Variants in PRRC2B observed in about 807,000 individuals in gnomAD.
The protein encoded by PRRC2B is proline rich coiled-coil 2B, also known as protein PRRC2B.
In PRRC2B, 68 loss-of-function variants were observed where a neutral mutation model predicts 242.3. The ratio of observed to expected loss-of-function variants is 0.28; its 90% CI spans 0.23 to 0.34. The LOEUF (loss-of-function observed/expected upper bound fraction) is 0.34, where lower values mean the gene tolerates loss of function less well. PRRC2B is among the 10% of genes least tolerant of loss of function. The probability of loss-of-function intolerance (pLI) is 1.00; values close to 1 mark genes in which losing one functional copy is unlikely to be tolerated. For missense variants in PRRC2B, 2,835 were observed against 2,954.8 expected (o/e 0.96, Z 0.94); for synonymous variants, 1,228 against 1,173.6 (o/e 1.05, Z -0.95).
At position 131,394,261 on chromosome 9, in the gene PRRC2B, C is replaced by A; in HGVS notation, c.-54C>A. On this transcript the variant is annotated splice_region_variant and 5_prime_UTR_variant, in exon 1 of 32. Coordinates refer to ENST00000683519, the MANE Select transcript of PRRC2B (RefSeq NM_013318.4). ...CCCGGCCGCGCCCGCGGAACCAGAC[C>A]AGGTGGGTCGGGGCCGGGGCCGGGG... 1 of 147,550 alleles carries A rather than the reference C, an allele frequency of 6.8e-6. No homozygotes were observed. The highest frequency in any genetic ancestry group is 1.8e-4 in the South Asian group (1 of 5,584). 9.1% of individuals were successfully genotyped at this position (147,550 alleles called of 1,614,324 possible). A position where few individuals can be genotyped will look rare whatever the true frequency, so the allele number is the denominator to read the frequency against.
chr9:131,454,042 C>T (rs1943000641), intron 9 of PRRC2B, among the ~76,000 whole-genome samples: 1 of 152,222 alleles, frequency 6.6e-6, no homozygotes, highest in South Asian at 2.1e-4. Context: ...CTCCCACCTC[C>T]TAATCCTGTG....
At chr9:131,478,868 C>T (rs1943780573) in intron 18 of PRRC2B, among the ~76,000 whole-genome samples, 1 of 152,140 alleles carries the variant, frequency 6.6e-6, no homozygotes, top group African/African-American at 2.4e-5. Flanking sequence ...AGGGTGACTT[C>T]TCTAGGGTGA....
intron 1 of PRRC2B, among the ~76,000 whole-genome samples, chr9:131,413,009 C>A (rs1837544787): frequency 6.6e-6 from 1 of 152,088 alleles, no homozygotes; most frequent in Non-Finnish European, 1.5e-5. Context: ...ATAGTAACTT[C>A]TTTTAGAAGC....
At chr9:131,435,613 TAAAAAAAAAAAAAAAA>T (rs66831387) in intron 3 of PRRC2B, among the ~76,000 whole-genome samples, 21 of 146,954 alleles carry the variant, frequency 1.4e-4, no homozygotes, top group Admixed American at 2.0e-4. Flanking sequence ...AGACTCCATC[TAAAAAAAAAAAAAAAA>T]AAAAAAAAAG....
chr9:131,477,729 C>G lies in PRRC2B; in HGVS notation c.4407-15C>G, dbSNP rs1017645851. 3 of 1,551,108 alleles carry G rather than the reference C, an allele frequency of 1.9e-6. No homozygotes were observed. In the East Asian group the frequency reaches 6.8e-5, roughly 35 times the overall value. The stretch of plus-strand genomic sequence containing the variant: ...TTCCCCAGCTCTGGTTAACAAGATC[C>G]TCTTTCCCTTACAGATCCCCAGACG... On this transcript the variant is annotated splice_polypyrimidine_tract_variant and intron_variant, in intron 16 of 31. Coordinates refer to ENST00000683519, the MANE Select transcript of PRRC2B (RefSeq NM_013318.4).
chr9:131,432,703 T>A lies in PRRC2B; in HGVS notation c.202T>A (p.Ser68Thr), dbSNP rs765937763. 4 of 1,613,936 alleles carry A rather than the reference T, an allele frequency of 2.5e-6. No individual in the cohort carries two copies. The highest frequency in any genetic ancestry group is 1.6e-4 in the Middle Eastern group (1 of 6,062). The change falls in exon 3 of 32, where the codon TCT becomes ACT. Residue 68 changes from serine to threonine, a missense_variant. This residue lies in a region of PRRC2B where 626 missense variants were observed against 685.5 expected (regional missense o/e 0.91). Transcript: ENST00000683519. Reference protein sequence around the residue: ...PPPANLPSLKSENKGNDPNIV... With the variant: ...PPPANLPSLKTENKGNDPNIV... ...GCCTGCAAACCTGCCAAGCTTGAAG[T>A]CTGAAAACAAAGGAAACGACCCCAA...
chr9:131,478,649 G>GGGGGGGGGGCCCGGGGGC, intron 18 of PRRC2B, 30 bp downstream of exon 18: 2 of 504,552 alleles, frequency 4.0e-6, no homozygotes, highest in Non-Finnish European at 8.0e-6. Flanking sequence ...GGGGCATGGG[G>GGGGGGGGGGCCCGGGGGC]CTGGAGGGCA....
At position 131,477,772 on chromosome 9, in the gene PRRC2B, C is replaced by T. The variant is rs773037000; in HGVS notation, c.4435C>T (p.Leu1479Phe). Residue 1479 changes from leucine to phenylalanine, a missense_variant, in exon 17 of 32, where the codon CTT (leucine) becomes TTT (phenylalanine). Transcript: ENST00000683519. The stretch of plus-strand genomic sequence containing the variant: ...CCCAGACGAGGCCTTGCCTGGAGGT[C>T]TTAGTGGCTGCAGCAGTGGGAGTGG... ...RSPDEALPGG[L>F]SGCSSGSGHS... The T allele has an allele frequency of 6.2e-7, 1 of 1,610,128 alleles. No homozygotes were observed. Among genetic ancestry groups the T allele is most frequent in the African/African-American group, 1.3e-5 (1 of 74,866 alleles).
chr9:131,427,389 G>A (rs1273455099), intron 1 of PRRC2B, among the ~76,000 whole-genome samples: 1 of 152,058 alleles, frequency 6.6e-6, no homozygotes, highest in East Asian at 1.9e-4. Flanking sequence ...GGAGTGCAGT[G>A]GTGCGATCTC....
chr9:131,468,400 C>A (rs914852749), intron 13 of PRRC2B, among the ~76,000 whole-genome samples: 1 of 152,124 alleles, frequency 6.6e-6, no homozygotes, highest in South Asian at 2.1e-4. Flanking sequence ...CATGCCATAT[C>A]GCCTATAAAC....
intron 1 of PRRC2B, among the ~76,000 whole-genome samples, chr9:131,383,600 CTT>C (rs561717754): frequency 0.013 from 1,544 of 120,586 alleles, 19 homozygotes; most frequent in African/African-American, 0.044. Context: ...TTTGGTTTCT[CTT>C]TTTTTTTTTT....
rs1421365317 is a variant in PRRC2B, at chr9:131,475,612, C to T, written c.3483C>T (p.Leu1161=). The change falls in exon 16 of 32, where the codon CTC becomes CTT. Residue 1161 remains leucine, a synonymous_variant. Coordinates refer to ENST00000683519, the MANE Select transcript of PRRC2B (RefSeq NM_013318.4). ...RGSENGNEGS[L]LEREESTLKK... ...CCGAGAACGGGAATGAAGGCTCGCT[C>T]CTGGAGAGGGAGGAGAGCACCTTGA... The T allele has an allele frequency of 2.3e-5, 37 of 1,612,330 alleles. No individual in the cohort carries two copies. The highest frequency in any genetic ancestry group is 3.1e-5 in the Non-Finnish European group (37 of 1,179,648).
At chr9:131,386,804 G>A (rs1213323347) in intron 1 of PRRC2B, among the ~76,000 whole-genome samples, 1 of 148,770 alleles carries the variant, frequency 6.7e-6, no homozygotes, top group African/African-American at 2.4e-5. Context: ...AGAACTAGTA[G>A]GATATATATA....
chr9:131,442,899 C>G (rs1838647556), intron 5 of PRRC2B, among the ~76,000 whole-genome samples: 1 of 152,126 alleles, frequency 6.6e-6, no homozygotes, highest in Non-Finnish European at 1.5e-5. Context: ...TTCTCTAAAG[C>G]AGGTTGTAAT....
At position 131,482,659 on chromosome 9, in the gene PRRC2B, A is replaced by T. The variant is rs1202208311; in HGVS notation, c.5176-51A>T. On this transcript the variant is annotated intron_variant, in intron 21 of 31. Transcript: ENST00000683519. The surrounding 1 kb of genome is among the most constrained non-coding windows in gnomAD (Gnocchi z 5.2). ...ATTCCTGGGACAGTAGAAGCTAGAGAGTGTGGTCATTCCAGTCTGTGTGTC... is the reference window on the plus strand; with the variant it reads ...ATTCCTGGGACAGTAGAAGCTAGAGTGTGTGGTCATTCCAGTCTGTGTGTC... 2.4e-5 allele frequency: 36 copies of T among 1,521,742 alleles called. No individual in the cohort carries two copies. The highest frequency in any genetic ancestry group is 3.1e-5 in the Non-Finnish European group (35 of 1,132,462). The allele number at this position is 1,521,742 out of a possible 1,614,324, so 94.3% of individuals were successfully genotyped here.
chr9:131,394,240 G>GCCGCGC lies in PRRC2B; in HGVS notation c.-69_-64dup, dbSNP rs1244027234. The GCCGCGC allele has an allele frequency of 6.8e-6, 1 of 147,932 alleles. No homozygotes were observed. The highest frequency in any genetic ancestry group is 2.0e-4 in the East Asian group (1 of 5,096). The allele number at this position is 147,932 out of a possible 1,614,324, so 9.2% of individuals were successfully genotyped here. ...CGCCCGACTGCCATCGCCCGGCCCG[G>GCCGCGC]CCGCGCCCGCGGAACCAGACCAGGT... On this transcript the variant is annotated 5_prime_UTR_variant, in exon 1 of 32. Transcript: ENST00000683519.
intron 1 of PRRC2B, among the ~76,000 whole-genome samples, chr9:131,414,275 A>G (rs544939348): frequency 1.3e-5 from 2 of 151,358 alleles, no homozygotes; most frequent in South Asian, 4.2e-4. Context: ...TAGATCATAG[A>G]TGTAAACATG....
In PRRC2B at chr9:131,498,052, A is replaced by G. The variant is rs1161691523; in HGVS notation, c.*2178A>G. 1 of 152,166 alleles carries G rather than the reference A, an allele frequency of 6.6e-6. No homozygotes were observed. Among genetic ancestry groups the G allele is most frequent in the Non-Finnish European group, 1.5e-5 (1 of 68,046 alleles). 9.4% of individuals were successfully genotyped at this position (152,166 alleles called of 1,614,324 possible). ...TGCGGTGGTGCGTGTGATTTGTCAAAAGAAAGCCTTCTGGATGCTGTTAAG... is the reference window on the plus strand; with the variant it reads ...TGCGGTGGTGCGTGTGATTTGTCAAGAGAAAGCCTTCTGGATGCTGTTAAG... On this transcript the variant is annotated 3_prime_UTR_variant, in exon 32 of 32. Transcript: ENST00000683519.
At chr9:131,399,535 C>T (rs180797983) in intron 1 of PRRC2B, among the ~76,000 whole-genome samples, 91 of 151,522 alleles carry the variant, frequency 6.0e-4, no homozygotes, top group African/African-American at 2.0e-3. Flanking sequence ...GCCGAGATCA[C>T]GACACTGCAC....
Sources: gnomAD v4.1 joint callset for allele counts (sites outside exome capture counted in the v4.1 genomes callset) on GRCh38, gnomAD v4.1.1 for gene constraint, gnomAD v4.1.1 regional missense constraint, Gnocchi (gnomAD v3.1) non-coding constraint, MANE v1.5 for transcripts, NCBI Gene and HGNC (gene_info 2026-07-23, HGNC 2026-07-21) for gene names.